The following TXLNB variants were observed in gnomAD, a reference collection of about 807,000 sequenced individuals.
TXLNB encodes beta-taxilin.
In TXLNB, 37 loss-of-function variants were observed where a neutral mutation model predicts 57.4. The ratio of observed to expected loss-of-function variants is 0.64; its 90% CI spans 0.50 to 0.85. The LOEUF (loss-of-function observed/expected upper bound fraction) is 0.85, where lower values mean the gene tolerates loss of function less well. TXLNB is among the 40% of genes least tolerant of loss of function. The pLI is 0.00. For synonymous variants in TXLNB, 302 were observed against 309.6 expected, an observed-to-expected ratio of 0.98 and a Z score of 0.26; for missense variants, 848 against 825.6, an observed-to-expected ratio of 1.03 and a Z score of -0.33.
rs1289119145 is a variant in TXLNB at position 139,266,196 on chromosome 6, G to C, written c.688-3423C>G. Among the ~76,000 whole-genome samples the C allele has an allele frequency of 2.0e-5, 3 of 152,294 alleles. No homozygotes were observed. In the South Asian group the frequency reaches 6.2e-4, roughly 32 times the overall value. ...AATATCCAGGATCCAATAGACAATGGCTTGACATATGAAGAACCAAGAAAA... is the reference window on the plus strand; with the variant it reads ...AATATCCAGGATCCAATAGACAATGCCTTGACATATGAAGAACCAAGAAAA... On this transcript the variant is annotated intron_variant, in intron 4 of 9. Transcript: ENST00000358430.
chr6:139,297,704 GT>G, the TXLNB span, among the ~76,000 whole-genome samples: 1 of 152,098 alleles, frequency 6.6e-6, no homozygotes, highest in African/African-American at 2.4e-5. Flanking sequence ...AGTAAATGTG[GT>G]TTAATACAAA....
intron 3 of TXLNB, among the ~76,000 whole-genome samples, chr6:139,272,266 C>T (rs946731379): frequency 6.6e-6 from 1 of 152,066 alleles, no homozygotes; most frequent in Non-Finnish European, 1.5e-5. Flanking sequence ...ATGATTGTGC[C>T]ACTGCGCTCC....
chr6:139,163,352 CTTTTTTTTTTTT>C, the TXLNB span, among the ~76,000 whole-genome samples: 18 of 142,440 alleles, frequency 1.3e-4, no homozygotes, highest in Admixed American at 2.9e-4. Flanking sequence ...GTTCTCCATT[CTTTTTTTTTTTT>C]TTTTTTTTTA....
At chr6:139,177,185 A>C in the TXLNB span, 1 of 664,556 alleles carries the variant, frequency 1.5e-6, no homozygotes, top group Non-Finnish European at 2.6e-6. This position sits in a 1 kb window ranked among gnomAD's most constrained non-coding sequence, Gnocchi z 4.9. Context: ...ACATTCTGTG[A>C]CATTAATTTC....
the TXLNB span, among the ~76,000 whole-genome samples, chr6:139,209,795 A>G: frequency 3.9e-5 from 6 of 152,232 alleles, no homozygotes; most frequent in Non-Finnish European, 8.8e-5. Context: ...ACTCTTTTAG[A>G]CATTGGCATA....
intron 6 of TXLNB, among the ~76,000 whole-genome samples, chr6:139,255,912 GAAA>G (rs139954875): frequency 0.043 from 5,737 of 133,094 alleles, 144 homozygotes; most frequent in Non-Finnish European, 0.054. Context: ...CCTTGTCACT[GAAA>G]AAAAAAAAAA....
the TXLNB span, among the ~76,000 whole-genome samples, chr6:139,229,023 C>T: frequency 6.6e-6 from 1 of 152,180 alleles, no homozygotes; most frequent in Non-Finnish European, 1.5e-5. Flanking sequence ...CCCATCCAGA[C>T]TGCATGTATC....
the TXLNB span, chr6:139,166,495 G>A: frequency 6.2e-7 from 1 of 1,614,204 alleles, no homozygotes; most frequent in Non-Finnish European, 8.5e-7. Context: ...AATGCCGCCA[G>A]AACATGTGGA....
At chr6:139,237,137 A>G (rs534350189), downstream of TXLNB, among the ~76,000 whole-genome samples, 2 of 152,208 alleles carry the variant, frequency 1.3e-5, no homozygotes, top group African/African-American at 4.8e-5. Flanking sequence ...TATATGTCAT[A>G]TCTTATCTTA....
the TXLNB span, among the ~76,000 whole-genome samples, chr6:139,188,026 C>A: frequency 8.5e-5 from 13 of 152,094 alleles, no homozygotes; most frequent in Non-Finnish European, 1.8e-4. Flanking sequence ...CTTATTTTAC[C>A]GATGAGGAAA....
Position 139,255,608 on chromosome 6 carries a change from G to A in TXLNB, c.1033C>T (p.Gln345Ter), listed in dbSNP as rs866013283. ...TCTTGCTCCTTCAGCACTTTCGCCT[G>A]AAGTTTCCACTCTGCTGCCTGGTTC... ...LLNQAAEWKL[Q>*]AKVLKEQETV... The change falls in exon 7 of 10, where the codon CAG (glutamine) becomes TAG (stop). Residue 345 changes from glutamine (Q) to a stop codon, truncating the protein, a stop_gained. Transcript: ENST00000358430. LOFTEE classifies it high-confidence loss of function. The A allele has an allele frequency of 1.2e-6, 2 of 1,613,882 alleles. No individual in the cohort carries two copies. The highest frequency in any genetic ancestry group is 1.7e-4 in the Middle Eastern group (1 of 6,058).
rs1004833528 is a variant in TXLNB, at chr6:139,277,283, G to A, written c.425-362C>T. 8.0e-5 allele frequency: 13 copies of A among 162,478 alleles called. No individual in the cohort carries two copies. The South Asian group carries it at 8.0e-4, about 10-fold the overall frequency. 10.1% of individuals were successfully genotyped at this position (162,478 alleles called of 1,614,324 possible). ...TACTTTCTGAAAGAATACGTCACCC[G>A]TTTTCCCACTTGAATTAACAAAAAG... On this transcript the variant is annotated intron_variant, in intron 2 of 9. Transcript: ENST00000358430.
At chr6:139,237,043 A>C (rs898723011), downstream of TXLNB, among the ~76,000 whole-genome samples, 1 of 152,066 alleles carries the variant, frequency 6.6e-6, no homozygotes, top group African/African-American at 2.4e-5. Flanking sequence ...TGGGCTTTTT[A>C]TTGCTATCCT....
At chr6:139,202,495 G>A in the TXLNB span, among the ~76,000 whole-genome samples, 21 of 152,112 alleles carry the variant, frequency 1.4e-4, no homozygotes, top group Admixed American at 1.0e-3. Context: ...GTAGGATATT[G>A]TCTCTGTGTA....
the TXLNB span, among the ~76,000 whole-genome samples, chr6:139,206,088 T>C: frequency 6.6e-6 from 1 of 152,244 alleles, no homozygotes; most frequent in East Asian, 1.9e-4. Flanking sequence ...GCTTCGTAAA[T>C]GAAGGAGAGA....
the TXLNB span, among the ~76,000 whole-genome samples, chr6:139,200,309 G>A: frequency 1.3e-5 from 2 of 151,930 alleles, no homozygotes; most frequent in African/African-American, 4.8e-5. Flanking sequence ...GTTTAATCCT[G>A]TCTTGGTGTC....
the TXLNB span, among the ~76,000 whole-genome samples, chr6:139,171,401 C>T: frequency 6.6e-6 from 1 of 152,096 alleles, no homozygotes; most frequent in African/African-American, 2.4e-5. Flanking sequence ...TAGATGTGCC[C>T]ACAAAGATAC....
downstream of TXLNB, among the ~76,000 whole-genome samples, chr6:139,238,676 A>G (rs149444676): frequency 2.9e-3 from 443 of 152,276 alleles, 1 homozygote; most frequent in African/African-American, 9.7e-3. Flanking sequence ...TGATAACCTT[A>G]ATTTTCAAGT....
At chr6:139,210,704 C>G in the TXLNB span, among the ~76,000 whole-genome samples, 12 of 152,238 alleles carry the variant, frequency 7.9e-5, no homozygotes, top group Admixed American at 7.9e-4. Context: ...CCGGGAAGTG[C>G]AAGGGGTCAG....
Sources: gnomAD v4.1 joint callset for allele counts (sites outside exome capture counted in the v4.1 genomes callset) on GRCh38, gnomAD v4.1.1 for gene constraint, Gnocchi (gnomAD v3.1) non-coding constraint, MANE v1.5 for transcripts, NCBI Gene and HGNC (gene_info 2026-07-23, HGNC 2026-07-21) for gene names.